SPIDR: variants seen among roughly 807,000 people sequenced by gnomAD.
SPIDR encodes the protein scaffold protein involved in DNA repair.
In SPIDR, 93 loss-of-function variants were observed where a neutral mutation model predicts 104.6. The observed-to-expected ratio is 0.89, with a 90% CI of 0.75 to 1.06. The LOEUF (loss-of-function observed/expected upper bound fraction) is 1.06. SPIDR is among the 50% of genes least tolerant of loss of function. The pLI, the probability that SPIDR is intolerant of heterozygous loss-of-function variation, is 0.00. For missense variants in SPIDR, 1,154 were observed against 1,111.2 expected (o/e 1.04, Z -0.55); for synonymous variants, 431 against 416.9 (o/e 1.03, Z -0.41).
chr8:47,399,372 G>A (rs2061588434), intron 6 of SPIDR, among the ~76,000 whole-genome samples: 1 of 152,232 alleles, frequency 6.6e-6, no homozygotes, highest in Non-Finnish European at 1.5e-5. Flanking sequence ...TCCACGGACA[G>A]CTGGGAAGGC....
intron 7 of SPIDR, among the ~76,000 whole-genome samples, chr8:47,440,080 A>T (rs1355636676): frequency 1.3e-5 from 2 of 152,172 alleles, no homozygotes; most frequent in Non-Finnish European, 2.9e-5. Context: ...ATGACAGAAG[A>T]CTTTATTTTA....
intron 16 of SPIDR, among the ~76,000 whole-genome samples, chr8:47,718,318 G>A (rs891313952): frequency 1.3e-5 from 2 of 152,178 alleles, no homozygotes; most frequent in Non-Finnish European, 2.9e-5. Flanking sequence ...TTTCTAAACA[G>A]GGGAGGAAAC....
At chr8:47,447,008 T>C (rs2070767482) in intron 8 of SPIDR, among the ~76,000 whole-genome samples, 1 of 152,134 alleles carries the variant, frequency 6.6e-6, no homozygotes, top group South Asian at 2.1e-4. Context: ...ATCAGGAGTA[T>C]GGAAAGAGTT....
chr8:47,484,044 A>G (rs1478631048), intron 8 of SPIDR, among the ~76,000 whole-genome samples: 1 of 152,154 alleles, frequency 6.6e-6, no homozygotes, highest in East Asian at 1.9e-4. Context: ...ATGATTGTCT[A>G]TTTCCAGAGT....
chr8:47,470,728 A>G (rs1586263640), intron 8 of SPIDR, among the ~76,000 whole-genome samples: 1 of 152,200 alleles, frequency 6.6e-6, no homozygotes, highest in East Asian at 1.9e-4. Context: ...AAAATACATT[A>G]AAAGACTAAA....
chr8:47,535,054 C>A (rs563882782), intron 8 of SPIDR, among the ~76,000 whole-genome samples: 1 of 152,118 alleles, frequency 6.6e-6, no homozygotes, highest in South Asian at 2.1e-4. Flanking sequence ...TTGAAATAGA[C>A]CAATTACGTG....
chr8:47,291,054 C>T lies in SPIDR; in HGVS notation c.278C>T (p.Thr93Ile), dbSNP rs1265181912. ...ACAGAAACCACCACATCTAAAAGCACCAGTGGGCTTACAGACATAACATGG... is the reference window on the plus strand; with the variant it reads ...ACAGAAACCACCACATCTAAAAGCATCAGTGGGCTTACAGACATAACATGG... ...PKQETTTSKS[T>I]SGLTDITWSS... The change falls in exon 4 of 20, where the codon ACC (threonine) becomes ATC (isoleucine). Residue 93 changes from threonine to isoleucine, a missense_variant. Thr to Ile is a moderately conservative substitution (Grantham distance 89, BLOSUM62 -1). Coordinates refer to ENST00000297423, the MANE Select transcript of SPIDR (RefSeq NM_001080394.4). The T allele has an allele frequency of 1.2e-6, 2 of 1,611,138 alleles. No homozygotes were observed. The highest frequency in any genetic ancestry group is 1.7e-6 in the Non-Finnish European group (2 of 1,178,330).
chr8:47,526,051 T>C (rs1218812863), intron 8 of SPIDR, among the ~76,000 whole-genome samples: 1 of 152,232 alleles, frequency 6.6e-6, no homozygotes, highest in Non-Finnish European at 1.5e-5. Context: ...CCAGCCTATG[T>C]GTCCTTACGA....
At chr8:47,390,472 G>A (rs1373682819) in intron 5 of SPIDR, among the ~76,000 whole-genome samples, 1 of 150,032 alleles carries the variant, frequency 6.7e-6, no homozygotes. Flanking sequence ...TAGTTCATTT[G>A]TATGTGTGCT....
intron 10 of SPIDR, among the ~76,000 whole-genome samples, chr8:47,624,694 T>C (rs531716679): frequency 8.6e-4 from 130 of 151,990 alleles, no homozygotes; most frequent in African/African-American, 2.9e-3. Context: ...CAGGAAGAAG[T>C]TGAATCTCTG....
At chr8:47,290,076 G>C (rs1328999613) in intron 3 of SPIDR, among the ~76,000 whole-genome samples, 1 of 151,976 alleles carries the variant, frequency 6.6e-6, no homozygotes, top group Non-Finnish European at 1.5e-5. Flanking sequence ...TTTCACTCTT[G>C]TTGCCCAGGC....
intron 10 of SPIDR, among the ~76,000 whole-genome samples, chr8:47,649,049 G>C (rs375351025): frequency 6.6e-6 from 1 of 151,962 alleles, no homozygotes; most frequent in South Asian, 2.1e-4. Context: ...ATCAGTATTG[G>C]GACAAATTAA....
At chr8:47,618,947 A>G (rs759635094) in intron 10 of SPIDR, among the ~76,000 whole-genome samples, 2 of 152,272 alleles carry the variant, frequency 1.3e-5, no homozygotes, top group Non-Finnish European at 2.9e-5. Flanking sequence ...ACAAAGTGCC[A>G]TAGGCACTAA....
At chr8:47,405,843 A>G (rs998403967) in intron 6 of SPIDR, among the ~76,000 whole-genome samples, 3 of 152,212 alleles carry the variant, frequency 2.0e-5, no homozygotes, top group Admixed American at 1.3e-4. Flanking sequence ...ATTAGAGGAC[A>G]TGGTGTTTCC....
intron 8 of SPIDR, among the ~76,000 whole-genome samples, chr8:47,559,063 T>C (rs2056737378): frequency 1.3e-5 from 2 of 152,234 alleles, no homozygotes; most frequent in Admixed American, 6.5e-5. Flanking sequence ...ACATCCTTTG[T>C]GGTTGCTGGT....
At chr8:47,713,198 G>A (rs190916498) in intron 15 of SPIDR, 5 of 629,960 alleles carry the variant, frequency 7.9e-6, no homozygotes, top group Non-Finnish European at 1.3e-5. Flanking sequence ...TTTTTCCAGG[G>A]ATCAAACTAA....
intron 19 of SPIDR, among the ~76,000 whole-genome samples, chr8:47,734,746 T>C (rs762154884): frequency 6.6e-6 from 1 of 152,212 alleles, no homozygotes; most frequent in Non-Finnish European, 1.5e-5. Flanking sequence ...AAGGACTCCC[T>C]GTACCTGTCT....
chr8:47,630,048 T>C (rs558918666), intron 10 of SPIDR, among the ~76,000 whole-genome samples: 2 of 152,364 alleles, frequency 1.3e-5, no homozygotes, highest in African/African-American at 4.8e-5. Context: ...TGTTAATTTT[T>C]AGATAAAATA....
chr8:47,511,961 A>G (rs2154376471), intron 8 of SPIDR: 1 of 786,758 alleles, frequency 1.3e-6, no homozygotes, highest in East Asian at 2.4e-5. Flanking sequence ...GTGCCTCTGG[A>G]CACTGAACTG....
Sources: gnomAD v4.1 joint callset for allele counts (sites outside exome capture counted in the v4.1 genomes callset) on GRCh38, gnomAD v4.1.1 for gene constraint, MANE v1.5 for transcripts, NCBI Gene and HGNC (gene_info 2026-07-23, HGNC 2026-07-21) for gene names.